LAMA3: variants seen among roughly 807,000 people sequenced by gnomAD.
LAMA3 encodes the protein laminin subunit alpha-3.
In LAMA3, 281 loss-of-function variants were observed where a neutral mutation model predicts 402.0. That is an observed-to-expected ratio of 0.70 (90% CI 0.63 to 0.77). The LOEUF (loss-of-function observed/expected upper bound fraction) is 0.77. LAMA3 is among the 30% of genes least tolerant of loss of function. The pLI, the probability that LAMA3 is intolerant of heterozygous loss-of-function variation, is 0.00. For synonymous variants in LAMA3, 1,431 were observed against 1,558.4 expected (o/e 0.92, Z 1.93); for missense variants, 3,840 against 4,215.5 (o/e 0.91, Z 2.47).
intron 2 of LAMA3, among the ~76,000 whole-genome samples, chr18:23,746,840 T>C (rs1441399684): frequency 3.9e-5 from 6 of 151,968 alleles, no homozygotes; most frequent in African/African-American, 1.4e-4. Flanking sequence ...TGGCTTCTGC[T>C]TTGGGGTTTG....
In LAMA3 at chr18:23,751,096, G is replaced by A. The variant is rs757266195; in HGVS notation, c.855+8G>A. ...CCAACTGTCACTCGGCGGGTGAGTA[G>A]TCAGAGCATTTGTTTTGTTACTTTA... On this transcript the variant is annotated splice_region_variant and intron_variant, in intron 5 of 74. Transcript: ENST00000313654. 9 of 1,614,006 alleles carry A rather than the reference G, an allele frequency of 5.6e-6. No individual in the cohort carries two copies. Among genetic ancestry groups the A allele is most frequent in the Non-Finnish European group, 7.6e-6 (9 of 1,179,890 alleles).
chr18:23,920,242 G>A (rs1295455911), intron 60 of LAMA3, among the ~76,000 whole-genome samples: 1 of 152,198 alleles, frequency 6.6e-6, no homozygotes, highest in Non-Finnish European at 1.5e-5. Flanking sequence ...TAGGTCATAC[G>A]TTCTGTGTGA....
At chr18:23,762,595 A>G (rs1043853169) in intron 7 of LAMA3, among the ~76,000 whole-genome samples, 1 of 151,818 alleles carries the variant, frequency 6.6e-6, no homozygotes, top group Non-Finnish European at 1.5e-5. Context: ...ACCAAAAAAA[A>G]AAAAATTTAC....
At chr18:23,833,698 C>A in intron 23 of LAMA3, 130 bp from the exon 24 acceptor site, 1 of 975,080 alleles carries the variant, frequency 1.0e-6, no homozygotes, top group Non-Finnish European at 1.6e-6. Context: ...GGACCATATT[C>A]CTTACTGGGA....
intron 65 of LAMA3, 51 bp from the exon 66 acceptor site, chr18:23,932,109 G>T: frequency 1.2e-6 from 2 of 1,610,594 alleles, no homozygotes; most frequent in African/African-American, 1.3e-5. Context: ...CATGGCAAGG[G>T]CCCTTTTTTC....
At position 23,916,619 on chromosome 18, in the gene LAMA3, A is replaced by G. The variant is rs1421260555; in HGVS notation, c.7847A>G (p.His2616Arg). ...TGYARVPTQP[H>R]APIPTFGQTI... ...TATGCTCGAGTTCCAACTCAACCAC[A>G]TGCTCCCATCCCAACCTTTGGACAG... The change falls in exon 60 of 75, where the codon CAT becomes CGT. Residue 2616 changes from histidine (H) to arginine (R), a missense_variant. By Grantham distance (29) the His-to-Arg change is conservative. Transcript: ENST00000313654. 1 of 1,614,032 alleles carries G rather than the reference A, an allele frequency of 6.2e-7. No homozygotes were observed. The highest frequency in any genetic ancestry group is 8.5e-7 in the Non-Finnish European group (1 of 1,179,990).
intron 18 of LAMA3, 77 bp downstream of exon 18, chr18:23,816,564 C>G: frequency 8.3e-7 from 1 of 1,203,116 alleles, no homozygotes; most frequent in Non-Finnish European, 1.2e-6. Flanking sequence ...TGCTACAGCT[C>G]TGGAGAAGAG....
At chr18:23,861,515 T>G (rs1598942933) in intron 34 of LAMA3, 131 bp from the exon 35 acceptor site, 1 of 934,936 alleles carries the variant, frequency 1.1e-6, no homozygotes, top group Admixed American at 2.0e-5. Context: ...GGTGCAGGAG[T>G]AGACGCATAA....
chr18:23,815,751 T>G (rs2063163459), intron 17 of LAMA3, among the ~76,000 whole-genome samples, 178 bp downstream of exon 17: 1 of 152,154 alleles, frequency 6.6e-6, no homozygotes, highest in Non-Finnish European at 1.5e-5. Context: ...AAATTGCAAG[T>G]GGGGCTGTTT....
At position 23,914,779 on chromosome 18, in the gene LAMA3, T is replaced by C. The variant is rs373370591; in HGVS notation, c.7563T>C (p.Asp2521=). Residue 2521 remains aspartate, a synonymous_variant, in exon 58 of 75, where the codon GAT becomes GAC. Transcript: ENST00000313654. Reference sequence around the variant, plus strand: ...AAACACCCGGAGTCTATGACATGGATGGTAGAAATAGCAATACACTCCTTA... The same window carrying C: ...AAACACCCGGAGTCTATGACATGGACGGTAGAAATAGCAATACACTCCTTA... ...KPETPGVYDM[D]GRNSNTLLNL... 4 of 1,613,122 alleles carry C rather than the reference T, an allele frequency of 2.5e-6. No individual in the cohort carries two copies. In the African/African-American group the frequency reaches 5.3e-5, roughly 22 times the overall value.
At chr18:23,880,864 A>G (rs1469966262) in intron 39 of LAMA3, among the ~76,000 whole-genome samples, 1 of 152,206 alleles carries the variant, frequency 6.6e-6, no homozygotes, top group African/African-American at 2.4e-5. Context: ...GCGACAGCAC[A>G]AGAATCTGTC....
At position 23,752,274 on chromosome 18, in the gene LAMA3, A is replaced by G. The variant is rs4258700; in HGVS notation, c.855+1186A>G. On this transcript the variant is annotated intron_variant, in intron 5 of 74. Coordinates refer to ENST00000313654, the MANE Select transcript of LAMA3 (RefSeq NM_198129.4). ...AGCCGGGCTGTGTTTCTGTTCCTCC[A>G]TGTGCCCTGGAGCACTGCCACAAAT... is the stretch of plus-strand genomic sequence containing the variant. 2.6e-3 allele frequency among the ~76,000 whole-genome samples: 393 copies of G among 152,042 alleles called. 2 individuals carry two copies. Among genetic ancestry groups the G allele is most frequent in the African/African-American group, 9.2e-3 (381 of 41,446 alleles).
At position 23,921,152 on chromosome 18, in the gene LAMA3, C is replaced by T. The variant is rs1227605869; in HGVS notation, c.8043+98C>T. ...AATAAATAAATAAAACTTCCTATTA[C>T]CAGATAAACTTATGGATGTTAACTG... On this transcript the variant is annotated intron_variant, in intron 61 of 74. Transcript: ENST00000313654. 4 of 1,343,440 alleles carry T rather than the reference C, an allele frequency of 3.0e-6. No individual in the cohort carries two copies. The South Asian group carries it at 3.7e-5, about 12-fold the overall frequency. 83.2% of individuals were successfully genotyped at this position (1,343,440 alleles called of 1,614,324 possible). A position where few individuals can be genotyped will look rare whatever the true frequency, so the allele number is the denominator to read the frequency against.
chr18:23,915,497 G>A (rs2081580906), intron 59 of LAMA3, 75 bp downstream of exon 59: 2 of 1,389,820 alleles, frequency 1.4e-6, no homozygotes, highest in African/African-American at 1.4e-5. Context: ...ATATGATAAA[G>A]GATGGGCCAG....
intron 2 of LAMA3, among the ~76,000 whole-genome samples, chr18:23,714,902 T>C (rs1284207755): frequency 6.6e-6 from 1 of 152,222 alleles, no homozygotes; most frequent in East Asian, 1.9e-4. Flanking sequence ...AGGAAGCTCA[T>C]ATAAGTGGAA....
At chr18:23,699,610 G>A (rs1376658745) in intron 1 of LAMA3, among the ~76,000 whole-genome samples, 3 of 152,196 alleles carry the variant, frequency 2.0e-5, no homozygotes, top group South Asian at 2.1e-4. Flanking sequence ...TCTAGGCTAA[G>A]AGGAAGTACT....
chr18:23,928,061 G>C, intron 62 of LAMA3, 62 bp from the exon 63 acceptor site: 1 of 1,154,664 alleles, frequency 8.7e-7, no homozygotes, highest in Non-Finnish European at 1.3e-6. Context: ...CAGCGTTTCA[G>C]CTCTGATTTC....
chr18:23,864,696 C>G (rs573921512), intron 35 of LAMA3, 89 bp from the exon 36 acceptor site: 1 of 849,612 alleles, frequency 1.2e-6, no homozygotes, highest in South Asian at 1.4e-5. Flanking sequence ...CTTTCCACAC[C>G]TTGTGTGCCT....
chr18:23,907,139 G>T (rs1786302), intron 52 of LAMA3, among the ~76,000 whole-genome samples: 1 of 152,138 alleles, frequency 6.6e-6, no homozygotes, highest in African/African-American at 2.4e-5. Context: ...ATTCACTCAT[G>T]TATTCATTTA....
Sources: gnomAD v4.1 joint callset for allele counts (sites outside exome capture counted in the v4.1 genomes callset) on GRCh38, gnomAD v4.1.1 for gene constraint, MANE v1.5 for transcripts, NCBI Gene and HGNC (gene_info 2026-07-23, HGNC 2026-07-21) for gene names.